The following KIAA0319L variants were observed in gnomAD, a reference collection of about 807,000 sequenced individuals.
The protein encoded by KIAA0319L is dyslexia-associated protein KIAA0319-like protein.
KIAA0319L carries 55 observed loss-of-function variants against 120.1 expected under a neutral mutation model. The observed-to-expected ratio is 0.46, with a 90% confidence interval of 0.37 to 0.57. The LOEUF (loss-of-function observed/expected upper bound fraction) is 0.57. Among genes scored for constraint, KIAA0319L ranks in the 20% least tolerant of loss-of-function variants. The probability of loss-of-function intolerance (pLI) is 0.00; values close to 1 mark genes in which losing one functional copy is unlikely to be tolerated. For missense variants in KIAA0319L, 1,049 were observed against 1,255.3 expected, an observed-to-expected ratio of 0.84 and a Z score of 2.48; for synonymous variants, 398 against 471.9, an observed-to-expected ratio of 0.84 and a Z score of 2.03.
chr1:35,495,562 C>T (rs931464665), intron 3 of KIAA0319L, among the ~76,000 whole-genome samples: 1 of 151,978 alleles, frequency 6.6e-6, no homozygotes, highest in African/African-American at 2.4e-5. Flanking sequence ...AGAATATTTG[C>T]AAATCACGTA....
rs756157738 is a variant in KIAA0319L, at chr1:35,453,693, G to A, written c.1781-4C>T. On this transcript the variant is annotated splice_polypyrimidine_tract_variant and splice_region_variant and intron_variant, in intron 11 of 20. Transcript: ENST00000325722. This position sits in a 1 kb window ranked among gnomAD's most constrained non-coding sequence, Gnocchi z 4.1. Reference sequence around the variant, plus strand: ...GCCTGAGGAGGCTTATTGTTTTCTGGAAGACAAAGAGTTAGAGGTCAAAAG... The same window carrying A: ...GCCTGAGGAGGCTTATTGTTTTCTGAAAGACAAAGAGTTAGAGGTCAAAAG... 1 of 1,612,318 alleles carries A rather than the reference G, an allele frequency of 6.2e-7. No individual in the cohort carries two copies. The highest frequency in any genetic ancestry group is 8.5e-7 in the Non-Finnish European group (1 of 1,179,078).
chr1:35,533,691 T>C (rs1161738841), intron 2 of KIAA0319L, among the ~76,000 whole-genome samples: 1 of 152,202 alleles, frequency 6.6e-6, no homozygotes, highest in African/African-American at 2.4e-5. Context: ...TTCCTACAGC[T>C]ATCATCAAAA....
chr1:35,498,717 T>C (rs1644898910), intron 3 of KIAA0319L, among the ~76,000 whole-genome samples: 1 of 152,208 alleles, frequency 6.6e-6, no homozygotes, highest in South Asian at 2.1e-4. Context: ...ACACACAGGA[T>C]GTTCACACTT....
At chr1:35,477,680 A>C (rs1643958918) in intron 4 of KIAA0319L, among the ~76,000 whole-genome samples, 2 of 149,926 alleles carry the variant, frequency 1.3e-5, no homozygotes, top group Admixed American at 6.6e-5. Flanking sequence ...AAAAAAAAAA[A>C]AAAAAAAACC....
Position 35,442,288 on chromosome 1 carries a change from GCAACAA to G in KIAA0319L, c.2822_2827del (p.Val941_Val942del). 1 of 1,613,950 alleles carries G rather than the reference GCAACAA, an allele frequency of 6.2e-7. No individual in the cohort carries two copies. The highest frequency in any genetic ancestry group is 8.5e-7 in the Non-Finnish European group (1 of 1,179,874). Reference sequence around the variant, plus strand: ...CACAGTCCAAGACAGGATTCCCAAGGCAACAACAATGACAAAGGTAGCAATGATAAC... The same window carrying G: ...CACAGTCCAAGACAGGATTCCCAAGGCAATGACAAAGGTAGCAATGATAAC... On this transcript the variant is annotated inframe_deletion, in exon 19 of 21. Coordinates refer to ENST00000325722, the MANE Select transcript of KIAA0319L (RefSeq NM_024874.5).
rs757179337 is a variant in KIAA0319L, at chr1:35,479,092, T to C, written c.787A>G (p.Ser263Gly). Reference sequence around the variant, plus strand: ...TCAGAACTTTTTACTTGTTGAGTGCTGGGCGTAGTAGCAAGACCCTCTGAT... The same window carrying C: ...TCAGAACTTTTTACTTGTTGAGTGCCGGGCGTAGTAGCAAGACCCTCTGAT... The part of the protein sequence containing the change: ...EISEGLATTP[S>G]TQQVKSSEKT... Residue 263 changes from serine to glycine, a missense_variant, in exon 4 of 21, where the codon AGC becomes GGC. Ser to Gly is a moderately conservative substitution (Grantham distance 56). Coordinates refer to ENST00000325722, the MANE Select transcript of KIAA0319L (RefSeq NM_024874.5). 1 of 1,614,198 alleles carries C rather than the reference T, an allele frequency of 6.2e-7. No homozygotes were observed. The highest frequency in any genetic ancestry group is 1.1e-5 in the South Asian group (1 of 91,088).
chr1:35,506,701 T>C lies in KIAA0319L; in HGVS notation c.577A>G (p.Ser193Gly). The change falls in exon 3 of 21, where the codon AGT becomes GGT. Residue 193 changes from serine (S) to glycine (G), a missense_variant. Ser to Gly is a moderately conservative substitution (Grantham distance 56, BLOSUM62 0). Transcript: ENST00000325722. This position sits in a 1 kb window ranked among gnomAD's most constrained non-coding sequence, Gnocchi z 4.0. Reference protein sequence around the residue: ...IRKLQKRGSPSDVVTPIVTQH... With the variant: ...IRKLQKRGSPGDVVTPIVTQH... ...GTCACTATAGGTGTAACTACGTCACTGGGACTACCTCTCTTCTGAAGCTTC... is the reference window on the plus strand; with the variant it reads ...GTCACTATAGGTGTAACTACGTCACCGGGACTACCTCTCTTCTGAAGCTTC... 6.2e-7 allele frequency: 1 copy of C among 1,614,212 alleles called. No homozygotes were observed. Among genetic ancestry groups the C allele is most frequent in the Non-Finnish European group, 8.5e-7 (1 of 1,180,020 alleles).
chr1:35,537,989 G>A (rs1016020759), intron 2 of KIAA0319L, among the ~76,000 whole-genome samples: 1 of 152,148 alleles, frequency 6.6e-6, no homozygotes, highest in South Asian at 2.1e-4. Flanking sequence ...AAATGAATCT[G>A]GGAGGAGGAG....
rs777182408 is a variant in KIAA0319L, at chr1:35,462,712, C to T, written c.1203G>A (p.Glu401=). Residue 401 remains glutamate (E), a splice_region_variant and synonymous_variant, in exon 8 of 21, where the codon GAG becomes GAA. Coordinates refer to ENST00000325722, the MANE Select transcript of KIAA0319L (RefSeq NM_024874.5). ...CAATGGGGGGCCGATTCTTACGGGG[C>T]TCTGCAAGAAAGTGACCCAAAAGAA... ...EGYVNVTVKP[E]PRKNRPPIAI... The T allele has an allele frequency of 4.3e-6, 7 of 1,613,438 alleles. No individual in the cohort carries two copies. In the East Asian group the frequency reaches 1.6e-4, roughly 36 times the overall value.
intron 4 of KIAA0319L, 137 bp downstream of exon 4, chr1:35,478,829 A>C (rs1362696378): frequency 8.8e-6 from 9 of 1,019,690 alleles, no homozygotes; most frequent in Non-Finnish European, 1.3e-5. Flanking sequence ...CCATGACTGC[A>C]GGGGCAATGA....
intron 2 of KIAA0319L, among the ~76,000 whole-genome samples, chr1:35,541,899 G>A (rs1197177959): frequency 6.6e-6 from 1 of 152,136 alleles, no homozygotes; most frequent in Non-Finnish European, 1.5e-5. Flanking sequence ...ATGCTCCTCA[G>A]TGGCATATTA....
chr1:35,498,357 T>C (rs1007245491), intron 3 of KIAA0319L, among the ~76,000 whole-genome samples: 1 of 150,870 alleles, frequency 6.6e-6, no homozygotes, highest in African/African-American at 2.4e-5. Context: ...AAAGAAACTA[T>C]GAAGTAATAC....
At chr1:35,502,258 A>G (rs1645035243) in intron 3 of KIAA0319L, among the ~76,000 whole-genome samples, 1 of 150,988 alleles carries the variant, frequency 6.6e-6, no homozygotes, top group African/African-American at 2.4e-5. Flanking sequence ...CTGGTGACAC[A>G]GTGAGACTCT....
At chr1:35,538,590 CAAAAAAAAAAA>C (rs757522421) in intron 2 of KIAA0319L, among the ~76,000 whole-genome samples, 2 of 31,944 alleles carry the variant, frequency 6.3e-5, no homozygotes, top group South Asian at 9.8e-4. Context: ...AACTCTGTCT[CAAAAAAAAAAA>C]AAAAAAAAAA....
At chr1:35,492,342 C>T (rs1025985109) in intron 3 of KIAA0319L, among the ~76,000 whole-genome samples, 2 of 151,838 alleles carry the variant, frequency 1.3e-5, no homozygotes, top group Non-Finnish European at 2.9e-5. Context: ...GGTGAAACCC[C>T]GTCTCTACTA....
chr1:35,474,760 T>C (rs757786117), intron 5 of KIAA0319L, 45 bp downstream of exon 5: 8 of 1,205,638 alleles, frequency 6.6e-6, no homozygotes, highest in Admixed American at 1.7e-5. Flanking sequence ...ACTCCATCTC[T>C]TTCAAAAACA....
intron 6 of KIAA0319L, 69 bp downstream of exon 6, chr1:35,470,794 A>G (rs1177498412): frequency 1.1e-6 from 1 of 938,970 alleles, no homozygotes. Flanking sequence ...AGAAAATTAT[A>G]TGATATTCAT....
Position 35,507,008 on chromosome 1 carries a change from G to A in KIAA0319L, c.270C>T (p.Cys90=), listed in dbSNP as rs771878957. The change falls in exon 3 of 21, where the codon TGC becomes TGT. Residue 90 remains cysteine, a synonymous_variant. Coordinates refer to ENST00000325722, the MANE Select transcript of KIAA0319L (RefSeq NM_024874.5). ...PSLQSCWAAC[C]QDSACHVFWW... ...AAAAGACATGGCAGGCAGAGTCCTG[G>A]CAGCAGGCAGCCCAACATGACTGGA... is the stretch of plus-strand genomic sequence containing the variant. 1.9e-6 allele frequency: 3 copies of A among 1,612,826 alleles called. No individual in the cohort carries two copies. The highest frequency in any genetic ancestry group is 2.2e-5 in the East Asian group (1 of 44,896).
At chr1:35,441,173 G>C (rs1399874997) in intron 19 of KIAA0319L, 35 bp from the exon 20 acceptor site, 1 of 1,591,662 alleles carries the variant, frequency 6.3e-7, no homozygotes, top group South Asian at 1.1e-5. Context: ...GCTCAGGAAA[G>C]AGGTTCTCTG....
Sources: gnomAD v4.1 joint callset for allele counts (sites outside exome capture counted in the v4.1 genomes callset) on GRCh38, gnomAD v4.1.1 for gene constraint, Gnocchi (gnomAD v3.1) non-coding constraint, MANE v1.5 for transcripts, NCBI Gene and HGNC (gene_info 2026-07-23, HGNC 2026-07-21) for gene names.